The following RAPGEF5 variants were observed in gnomAD, a reference collection of about 807,000 sequenced individuals.
RAPGEF5 encodes the protein M-Ras-regulated GEF.
A neutral mutation model predicts 125.2 loss-of-function variants in RAPGEF5; 65 were observed. That is an observed-to-expected ratio of 0.52 (90% CI 0.43 to 0.64). The LOEUF (loss-of-function observed/expected upper bound fraction) is 0.64, where lower values mean the gene tolerates loss of function less well. Among genes scored for constraint, RAPGEF5 ranks in the 30% least tolerant of loss-of-function variants. The pLI is 0.00. For missense variants in RAPGEF5, 958 were observed against 1,048.1 expected (o/e 0.91, Z 1.19); for synonymous variants, 391 against 385.9 (o/e 1.01, Z -0.16).
intron 1 of RAPGEF5, among the ~76,000 whole-genome samples, chr7:22,349,856 C>G (rs567918968): frequency 6.6e-6 from 1 of 152,314 alleles, no homozygotes; most frequent in African/African-American, 2.4e-5. Context: ...CATGGGAAAG[C>G]TTTTAACCTC....
chr7:22,192,021 C>T (rs1257030480), intron 11 of RAPGEF5, among the ~76,000 whole-genome samples: 4 of 152,196 alleles, frequency 2.6e-5, no homozygotes, highest in African/African-American at 9.6e-5. Flanking sequence ...TAGTTCAAAA[C>T]ACCTGTGTAA....
At chr7:22,343,901 C>A (rs565286177) in intron 1 of RAPGEF5, among the ~76,000 whole-genome samples, 1 of 150,576 alleles carries the variant, frequency 6.6e-6, no homozygotes, top group African/African-American at 2.4e-5. Flanking sequence ...AGGGTGTCTG[C>A]GGAAAAAAAA....
intron 20 of RAPGEF5, among the ~76,000 whole-genome samples, chr7:22,141,432 G>C (rs1783257481): frequency 6.6e-6 from 1 of 152,234 alleles, no homozygotes. Context: ...AGAATCAGGA[G>C]AATAAGCTGA....
chr7:22,233,082 T>C (rs1239677939), intron 7 of RAPGEF5, among the ~76,000 whole-genome samples: 2 of 152,156 alleles, frequency 1.3e-5, no homozygotes, highest in Non-Finnish European at 2.9e-5. Context: ...AAGAAAAACA[T>C]GCGTGTTTTC....
intron 9 of RAPGEF5, among the ~76,000 whole-genome samples, chr7:22,207,109 A>G (rs1485033066): frequency 6.6e-6 from 1 of 152,206 alleles, no homozygotes; most frequent in Non-Finnish European, 1.5e-5. Context: ...TCAACCTGAC[A>G]AAGATAACAT....
intron 6 of RAPGEF5, among the ~76,000 whole-genome samples, chr7:22,268,234 C>T (rs894870861): frequency 3.3e-5 from 5 of 152,174 alleles, no homozygotes; most frequent in Non-Finnish European, 2.9e-5. Flanking sequence ...ATCTTTGACA[C>T]CGTAAGATTC....
In RAPGEF5 at chr7:22,125,779, G is replaced by A. The variant is rs568673506; in HGVS notation, c.2482-121C>T. On this transcript the variant is annotated intron_variant, in intron 24 of 25. Coordinates refer to ENST00000665637, the MANE Select transcript of RAPGEF5 (RefSeq NM_012294.5). Reference sequence around the variant, plus strand: ...CTTGGCTGTAATAAAGAGAAGAACTGTATTTGGAGCTGGATGTAGCTTTGA... The same window carrying A: ...CTTGGCTGTAATAAAGAGAAGAACTATATTTGGAGCTGGATGTAGCTTTGA... 504 of 909,212 alleles carry A rather than the reference G, an allele frequency of 5.5e-4. 6 individuals are homozygous for A. In the South Asian group the frequency reaches 6.9e-3, roughly 13 times the overall value. The allele number at this position is 909,212 out of a possible 1,614,324, so 56.3% of individuals were successfully genotyped here.
intron 21 of RAPGEF5, among the ~76,000 whole-genome samples, chr7:22,138,805 T>A (rs149796708): frequency 6.6e-6 from 1 of 152,346 alleles, no homozygotes; most frequent in Non-Finnish European, 1.5e-5. Flanking sequence ...GAGTTATTTC[T>A]CCTCTCAATT....
intron 3 of RAPGEF5, chr7:22,314,627 C>T (rs1397581266): frequency 8.1e-6 from 8 of 982,232 alleles, no homozygotes; most frequent in East Asian, 2.3e-4. Flanking sequence ...GGGTATTGCA[C>T]GTCATTTCTT....
intron 7 of RAPGEF5, among the ~76,000 whole-genome samples, chr7:22,257,292 A>G (rs1227241276): frequency 6.6e-6 from 1 of 152,212 alleles, no homozygotes; most frequent in Admixed American, 6.5e-5. Flanking sequence ...AGTTTTAAAA[A>G]TAAGAAGCAT....
intron 20 of RAPGEF5, among the ~76,000 whole-genome samples, chr7:22,142,501 A>C (rs1049641566): frequency 6.6e-6 from 1 of 152,136 alleles, no homozygotes; most frequent in Admixed American, 6.5e-5. Flanking sequence ...TTTCTTTTTT[A>C]GTCATATTTT....
chr7:22,270,294 G>A (rs1272949362), intron 6 of RAPGEF5, among the ~76,000 whole-genome samples: 2 of 152,202 alleles, frequency 1.3e-5, no homozygotes, highest in Non-Finnish European at 2.9e-5. Flanking sequence ...CTGCTTACCT[G>A]TGTCTGAGTA....
chr7:22,217,612 C>T (rs913154191), intron 9 of RAPGEF5, among the ~76,000 whole-genome samples: 1 of 152,108 alleles, frequency 6.6e-6, no homozygotes, highest in Non-Finnish European at 1.5e-5. Flanking sequence ...TGTCATCCTG[C>T]AGAAGGGAGA....
At chr7:22,185,967 G>A (rs1784813666) in intron 11 of RAPGEF5, among the ~76,000 whole-genome samples, 2 of 151,922 alleles carry the variant, frequency 1.3e-5, no homozygotes, top group South Asian at 4.2e-4. Context: ...CAATTCTCAT[G>A]CCTCAGTGCC....
intron 19 of RAPGEF5, among the ~76,000 whole-genome samples, chr7:22,146,270 T>G (rs945833864): frequency 2.6e-5 from 4 of 152,238 alleles, no homozygotes; most frequent in African/African-American, 9.6e-5. Flanking sequence ...TACAGAGGGC[T>G]CTAACATTTT....
At chr7:22,161,077 G>A (rs968596980) in intron 13 of RAPGEF5, among the ~76,000 whole-genome samples, 9 of 151,140 alleles carry the variant, frequency 6.0e-5, no homozygotes, top group Admixed American at 3.3e-4. Context: ...GCGTGGTAGC[G>A]GGCGCCTGTA....
intron 14 of RAPGEF5, 56 bp from the exon 15 acceptor site, chr7:22,157,941 T>G: frequency 6.5e-7 from 1 of 1,527,946 alleles, no homozygotes; most frequent in Non-Finnish European, 9.0e-7. Flanking sequence ...AATAATGCAG[T>G]TATTGTTACG....
chr7:22,181,716 T>TGGC (rs1784680958), intron 11 of RAPGEF5, among the ~76,000 whole-genome samples: 1 of 152,172 alleles, frequency 6.6e-6, no homozygotes, highest in Non-Finnish European at 1.5e-5. Flanking sequence ...AGGGAAGGAC[T>TGGC]GCCAGCCAAG....
At chr7:22,281,026 G>C (rs564492638) in intron 6 of RAPGEF5, among the ~76,000 whole-genome samples, 3 of 152,294 alleles carry the variant, frequency 2.0e-5, no homozygotes, top group East Asian at 3.9e-4. Context: ...CTTTGGCTTA[G>C]GATTGGGAGA....
Sources: gnomAD v4.1 joint callset for allele counts (sites outside exome capture counted in the v4.1 genomes callset) on GRCh38, gnomAD v4.1.1 for gene constraint, MANE v1.5 for transcripts, NCBI Gene and HGNC (gene_info 2026-07-23, HGNC 2026-07-21) for gene names.